RBFOX1: variants seen among roughly 807,000 people sequenced by gnomAD.
RBFOX1 encodes the protein RNA binding protein fox-1 homolog 1.
Under a neutral mutation model 57.7 loss-of-function variants are expected in RBFOX1, and 8 were observed. That is an observed-to-expected ratio of 0.14 (90% CI 0.08 to 0.25). RBFOX1 has a LOEUF of 0.25. Among genes scored for constraint, RBFOX1 ranks in the 10% least tolerant of loss-of-function variants. The probability of loss-of-function intolerance (pLI) is 1.00; values close to 1 mark genes in which losing one functional copy is unlikely to be tolerated. For missense variants in RBFOX1, 611 were observed against 548.5 expected (o/e 1.11, Z -1.14); for synonymous variants, 326 against 222.4 (o/e 1.47, Z -4.15).
intron 4 of RBFOX1, among the ~76,000 whole-genome samples, chr16:7,092,690 G>A (rs1364341906): frequency 6.6e-6 from 1 of 152,154 alleles, no homozygotes; most frequent in Non-Finnish European, 1.5e-5. Context: ...ATGGTACTGC[G>A]CCTTGGGGGA....
intron 3 of RBFOX1, among the ~76,000 whole-genome samples, chr16:5,856,219 A>ATATATATGTATATATATATGTG (rs1399919901): frequency 5.8e-5 from 2 of 34,482 alleles, no homozygotes; most frequent in African/African-American, 1.5e-4. Context: ...ATATATATGT[A>ATATATATGTATATATATATGTG]TATATATATG....
chr16:5,543,303 T>C lies in RBFOX1; in HGVS notation c.259-55599T>C, dbSNP rs934882583. Among the ~76,000 whole-genome samples the C allele has an allele frequency of 2.6e-5, 4 of 152,164 alleles. No individual in the cohort carries two copies. In the East Asian group the frequency reaches 7.7e-4, roughly 29 times the overall value. ...ATGTTAGAATTAGCAGAGAGGGACGTGTTTAAAAAATTAAACAGAAACATG... is the reference window on the plus strand; with the variant it reads ...ATGTTAGAATTAGCAGAGAGGGACGCGTTTAAAAAATTAAACAGAAACATG... On this transcript the variant is annotated intron_variant, in intron 2 of 2. Transcript: ENST00000585867.
intron 1 of RBFOX1, among the ~76,000 whole-genome samples, chr16:5,374,214 A>C (rs2065931148): frequency 6.6e-6 from 1 of 152,252 alleles, no homozygotes; most frequent in South Asian, 2.1e-4. Context: ...CTGGAATTAC[A>C]GGCGTGAGCC....
chr16:6,172,145 G>A (rs1196564728), intron 1 of RBFOX1, among the ~76,000 whole-genome samples: 1 of 152,056 alleles, frequency 6.6e-6, no homozygotes, highest in Non-Finnish European at 1.5e-5. Context: ...CATTGGTCAA[G>A]GATGTCACAC....
intron 2 of RBFOX1, among the ~76,000 whole-genome samples, chr16:6,600,760 C>T (rs2097843384): frequency 6.6e-6 from 1 of 151,830 alleles, no homozygotes; most frequent in African/African-American, 2.4e-5. Context: ...GTATAAGTAA[C>T]AAGCAAGATT....
intron 4 of RBFOX1, among the ~76,000 whole-genome samples, chr16:7,247,063 A>G (rs1466441959): frequency 6.6e-6 from 1 of 152,144 alleles, no homozygotes; most frequent in East Asian, 1.9e-4. Context: ...CTGTAGTACA[A>G]TGGGGTCCTT....
At chr16:7,690,144 T>TAG (rs2147332557) in intron 14 of RBFOX1, among the ~76,000 whole-genome samples, 2 of 152,188 alleles carry the variant, frequency 1.3e-5, no homozygotes, top group African/African-American at 4.8e-5. Context: ...GAGTCACCTA[T>TAG]AGAGCATTTT....
At chr16:6,791,379 A>G (rs2082908180) in intron 3 of RBFOX1, among the ~76,000 whole-genome samples, 1 of 152,186 alleles carries the variant, frequency 6.6e-6, no homozygotes, top group Admixed American at 6.5e-5. Flanking sequence ...TCCAGGCAGG[A>G]CTGGCTGTCT....
At chr16:6,896,902 T>TA (rs1196692019) in intron 3 of RBFOX1, among the ~76,000 whole-genome samples, 13 of 152,066 alleles carry the variant, frequency 8.5e-5, no homozygotes, top group South Asian at 2.1e-4. Context: ...GTGACATTTT[T>TA]AAAAAAAATG....
At chr16:6,017,401 C>A (rs2095001394), upstream of RBFOX1, among the ~76,000 whole-genome samples, 1 of 152,294 alleles carries the variant, frequency 6.6e-6, no homozygotes, top group South Asian at 2.1e-4. Flanking sequence ...TAGACAATTA[C>A]ATTTAAATTC....
chr16:7,372,201 C>T (rs1020186957), intron 4 of RBFOX1, among the ~76,000 whole-genome samples: 4 of 152,126 alleles, frequency 2.6e-5, no homozygotes, highest in Non-Finnish European at 5.9e-5. Context: ...CACTTTCTCA[C>T]CATCAGTGCA....
chr16:6,901,470 C>T (rs954727815), intron 3 of RBFOX1, among the ~76,000 whole-genome samples: 4 of 152,270 alleles, frequency 2.6e-5, no homozygotes, highest in African/African-American at 9.6e-5. Flanking sequence ...TCTGCCCCTA[C>T]GACTCTTCCT....
At chr16:6,649,037 T>C (rs2098555709) in intron 2 of RBFOX1, among the ~76,000 whole-genome samples, 1 of 152,174 alleles carries the variant, frequency 6.6e-6, no homozygotes, top group African/African-American at 2.4e-5. Flanking sequence ...CCATGTTGTA[T>C]AATATTTTAA....
chr16:6,913,628 C>A (rs1439083940), intron 3 of RBFOX1, among the ~76,000 whole-genome samples: 8 of 152,172 alleles, frequency 5.3e-5, no homozygotes, highest in African/African-American at 1.9e-4. Context: ...AGCCCTGAGG[C>A]CACCAGATTG....
intron 3 of RBFOX1, among the ~76,000 whole-genome samples, chr16:6,883,263 G>C (rs1480374512): frequency 2.0e-5 from 3 of 152,120 alleles, no homozygotes; most frequent in Non-Finnish European, 4.4e-5. Context: ...TTTTAAAGTT[G>C]TCCTAGACCT....
chr16:6,619,732 G>C (rs2098198909), intron 2 of RBFOX1, among the ~76,000 whole-genome samples: 1 of 143,878 alleles, frequency 7.0e-6, no homozygotes, highest in African/African-American at 2.6e-5. Flanking sequence ...TTAAACTCAA[G>C]GTTACAAATG....
chr16:6,482,947 G>C lies in RBFOX1; in HGVS notation c.-64+165890G>C, dbSNP rs547221556. 5.6e-4 allele frequency among the ~76,000 whole-genome samples: 86 copies of C among 152,306 alleles called. 2 individuals are homozygous for C. The highest frequency in any genetic ancestry group is 2.1e-3 in the African/African-American group (86 of 41,568). On this transcript the variant is annotated intron_variant, in intron 2 of 15. Coordinates refer to ENST00000550418, the MANE Select transcript of RBFOX1 (RefSeq NM_018723.4). ...AAATTGGTTGTCAAGTGCGGACTCA[G>C]GGAACCGTGCAAGGTGCCCTATTCT... is the stretch of plus-strand genomic sequence containing the variant.
intron 1 of RBFOX1, among the ~76,000 whole-genome samples, chr16:6,247,878 T>A (rs2097578022): frequency 1.3e-5 from 2 of 152,170 alleles, no homozygotes; most frequent in Non-Finnish European, 2.9e-5. Context: ...GTGGCCACAT[T>A]GTCATAAGCT....
At chr16:7,092,838 CA>C (rs1339736840) in intron 4 of RBFOX1, among the ~76,000 whole-genome samples, 1 of 152,138 alleles carries the variant, frequency 6.6e-6, no homozygotes, top group African/African-American at 2.4e-5. Context: ...TCCCCTTTAC[CA>C]AATCGAAGGC....
Sources: allele counts gnomAD v4.1 joint callset (sites outside exome capture counted in the v4.1 genomes callset), GRCh38; gene constraint gnomAD v4.1.1; transcripts MANE v1.5; gene names NCBI Gene and HGNC (gene_info 2026-07-23, HGNC 2026-07-21).